OPCML: variants seen among roughly 807,000 people sequenced by gnomAD.
OPCML encodes the protein opioid binding protein/cell adhesion molecule like.
A neutral mutation model predicts 37.8 loss-of-function variants in OPCML; 13 were observed. That is an observed-to-expected ratio of 0.34 (90% CI 0.22 to 0.55). OPCML has a LOEUF of 0.55. Among genes scored for constraint, OPCML ranks in the 20% least tolerant of loss-of-function variants. OPCML has a pLI of 0.91. For missense variants in OPCML, 341 were observed against 435.6 expected, an observed-to-expected ratio of 0.78 and a Z score of 1.93; for synonymous variants, 176 against 168.8, an observed-to-expected ratio of 1.04 and a Z score of -0.33.
chr11:132,888,582 C>A (rs1469829339), intron 2 of OPCML, among the ~76,000 whole-genome samples: 2 of 152,140 alleles, frequency 1.3e-5, no homozygotes, highest in Non-Finnish European at 2.9e-5. Context: ...AGGTTATTTG[C>A]TTCGGAAAAA....
chr11:133,236,701 T>C (rs1940533458), intron 1 of OPCML, among the ~76,000 whole-genome samples: 1 of 152,246 alleles, frequency 6.6e-6, no homozygotes, highest in Non-Finnish European at 1.5e-5. Flanking sequence ...CAAGCAAGCA[T>C]TAGGTCATAG....
chr11:132,992,582 G>C (rs997033477), intron 1 of OPCML, among the ~76,000 whole-genome samples: 1 of 152,154 alleles, frequency 6.6e-6, no homozygotes, highest in Non-Finnish European at 1.5e-5. Flanking sequence ...TGGTATTCTT[G>C]TGTGTGTATC....
rs1468874987 is a variant in OPCML at position 133,422,899 on chromosome 11, T to G, written c.61+109365A>C. On this transcript the variant is annotated intron_variant, in intron 1 of 7. Transcript: ENST00000524381. ...GAGGCTTAGGATGAAGAATCTCATT[T>G]GACATCACCAGAAAATAGCTGGTAG... The G allele has an allele frequency of 3.1e-6, 3 of 973,874 alleles. No individual in the cohort carries two copies. In the African/African-American group the frequency reaches 5.3e-5, roughly 17 times the overall value. The allele number at this position is 973,874 out of a possible 1,614,324, so 60.3% of individuals were successfully genotyped here. A position where few individuals can be genotyped will look rare whatever the true frequency, so the allele number is the denominator to read the frequency against.
intron 2 of OPCML, among the ~76,000 whole-genome samples, chr11:132,881,452 G>A (rs941771937): frequency 3.0e-4 from 45 of 152,158 alleles, no homozygotes; most frequent in Non-Finnish European, 5.6e-4. Flanking sequence ...GGAGCTGTGA[G>A]GCTGGCAGGA....
intron 1 of OPCML, chr11:133,420,372 AG>A: frequency 1.2e-5 from 12 of 985,442 alleles, no homozygotes; most frequent in Non-Finnish European, 1.4e-5. Flanking sequence ...TTAGGTCTCT[AG>A]GACAGTAGTT....
At chr11:132,896,769 T>C (rs1283378002) in intron 2 of OPCML, among the ~76,000 whole-genome samples, 1 of 152,248 alleles carries the variant, frequency 6.6e-6, no homozygotes, top group Non-Finnish European at 1.5e-5. Flanking sequence ...TGTGGACTTA[T>C]GGGTAAGGCG....
At chr11:133,254,696 T>C (rs1408649889) in intron 1 of OPCML, among the ~76,000 whole-genome samples, 1 of 151,856 alleles carries the variant, frequency 6.6e-6, no homozygotes, top group Non-Finnish European at 1.5e-5. Flanking sequence ...GTGAGAGGAG[T>C]CAAAGATAAA....
intron 1 of OPCML, among the ~76,000 whole-genome samples, chr11:133,080,771 T>A (rs1463699862): frequency 6.6e-6 from 1 of 152,210 alleles, no homozygotes; most frequent in Non-Finnish European, 1.5e-5. Context: ...TGGTTTTTAT[T>A]GCTTCCATCC....
intron 1 of OPCML, among the ~76,000 whole-genome samples, chr11:133,115,582 C>T (rs1378144666): frequency 3.3e-5 from 5 of 152,134 alleles, no homozygotes; most frequent in African/African-American, 1.2e-4. Flanking sequence ...CTAATTCTTT[C>T]GTATCACTTT....
intron 3 of OPCML, among the ~76,000 whole-genome samples, chr11:132,638,161 G>A (rs374779041): frequency 1.3e-4 from 1 of 7,860 alleles, no homozygotes; most frequent in Non-Finnish European, 2.3e-4. Context: ...CATATATACA[G>A]ACTATATATA....
chr11:133,160,329 G>T (rs1172954666), intron 1 of OPCML, among the ~76,000 whole-genome samples: 2 of 152,184 alleles, frequency 1.3e-5, no homozygotes, highest in African/African-American at 2.4e-5. Context: ...CTTACTATGT[G>T]CAGGCGTTCA....
At chr11:133,216,240 G>T (rs372127490) in intron 1 of OPCML, among the ~76,000 whole-genome samples, 1 of 152,258 alleles carries the variant, frequency 6.6e-6, no homozygotes, top group East Asian at 1.9e-4. Flanking sequence ...CCTTTGTTTG[G>T]AGTTGACATT....
chr11:132,973,198 CT>C (rs1946381157), intron 1 of OPCML, among the ~76,000 whole-genome samples: 1 of 152,116 alleles, frequency 6.6e-6, no homozygotes, highest in African/African-American at 2.4e-5. Flanking sequence ...GACAAATGTC[CT>C]CCTTCTCCTC....
At chr11:132,954,549 A>G (rs1945936518) in intron 1 of OPCML, among the ~76,000 whole-genome samples, 1 of 152,278 alleles carries the variant, frequency 6.6e-6, no homozygotes, top group African/African-American at 2.4e-5. Context: ...ACATAGTAAG[A>G]ATAGTTGATA....
At chr11:132,983,017 C>A (rs1946619431) in intron 1 of OPCML, among the ~76,000 whole-genome samples, 1 of 152,236 alleles carries the variant, frequency 6.6e-6, no homozygotes, top group Non-Finnish European at 1.5e-5. Context: ...CTGATTGGAA[C>A]ACTCCTTGCC....
intron 2 of OPCML, among the ~76,000 whole-genome samples, chr11:132,659,900 C>A (rs1196485140): frequency 1.2e-4 from 18 of 152,064 alleles, no homozygotes; most frequent in Admixed American, 1.0e-3. Flanking sequence ...GTACTTTATG[C>A]TTGAAGGTCT....
intron 1 of OPCML, among the ~76,000 whole-genome samples, chr11:133,060,040 G>A (rs1027180087): frequency 6.6e-6 from 1 of 152,136 alleles, no homozygotes; most frequent in African/African-American, 2.4e-5. Flanking sequence ...TTCTAGATTT[G>A]CCACAAACTT....
At chr11:132,489,894 T>G (rs1313925936) in intron 4 of OPCML, among the ~76,000 whole-genome samples, 1 of 152,110 alleles carries the variant, frequency 6.6e-6, no homozygotes, top group East Asian at 1.9e-4. Context: ...CCAGTGTCCA[T>G]GTGTTCTCAT....
chr11:133,511,379 C>T (rs1249115102), intron 1 of OPCML, among the ~76,000 whole-genome samples: 3 of 152,166 alleles, frequency 2.0e-5, no homozygotes, highest in Admixed American at 1.3e-4. Flanking sequence ...TACACAGGAC[C>T]GCGTGGCTAA....
Sources: gnomAD v4.1 joint callset for allele counts (sites outside exome capture counted in the v4.1 genomes callset) on GRCh38, gnomAD v4.1.1 for gene constraint, MANE v1.5 for transcripts, NCBI Gene and HGNC (gene_info 2026-07-23, HGNC 2026-07-21) for gene names.